Variants in PPP6R3 observed in about 807,000 individuals in gnomAD.
PPP6R3 encodes serine/threonine-protein phosphatase 6 regulatory subunit 3.
In PPP6R3, 38 loss-of-function variants were observed where a neutral mutation model predicts 110.7. The observed-to-expected ratio is 0.34, with a 90% confidence interval of 0.26 to 0.45. The LOEUF (loss-of-function observed/expected upper bound fraction) is 0.45. Ranked by LOEUF, PPP6R3 falls within the 20% of genes least tolerant of loss-of-function variation. PPP6R3 has a pLI of 1.00. For synonymous variants in PPP6R3, 369 were observed against 373.5 expected (o/e 0.99, Z 0.14); for missense variants, 870 against 1,062.4 (o/e 0.82, Z 2.52).
chr11:68,564,482 A>G, intron 9 of PPP6R3, 50 bp downstream of exon 9: 1 of 1,599,854 alleles, frequency 6.3e-7, no homozygotes, highest in Non-Finnish European at 8.6e-7. Context: ...TTTGGTTGAA[A>G]CAGTCATTCG....
At chr11:68,509,806 A>C (rs145393525) in intron 1 of PPP6R3, among the ~76,000 whole-genome samples, 1 of 142,148 alleles carries the variant, frequency 7.0e-6, no homozygotes, top group Non-Finnish European at 1.5e-5. Context: ...TTGGAGTGCA[A>C]TGGCACAATC....
intron 2 of PPP6R3, among the ~76,000 whole-genome samples, chr11:68,526,286 T>TAA (rs909405862): frequency 4.6e-5 from 7 of 152,038 alleles, no homozygotes; most frequent in African/African-American, 1.7e-4. Flanking sequence ...GACAGGGTCT[T>TAA]ACTCTGTCAG....
At chr11:68,599,389 C>T (rs964980544) in intron 19 of PPP6R3, among the ~76,000 whole-genome samples, 2 of 152,202 alleles carry the variant, frequency 1.3e-5, no homozygotes, top group Non-Finnish European at 2.9e-5. Context: ...TAGACCCAAA[C>T]TTGGCCAGCA....
At chr11:68,579,734 A>G (rs572069244) in intron 14 of PPP6R3, among the ~76,000 whole-genome samples, 2 of 152,252 alleles carry the variant, frequency 1.3e-5, no homozygotes, top group Non-Finnish European at 1.5e-5. Flanking sequence ...CAGTAGTCCC[A>G]TAAGATTAGA....
At chr11:68,565,777 ATGTCTGTCTCG>A (rs1430300239) in intron 9 of PPP6R3, among the ~76,000 whole-genome samples, 175 of 148,426 alleles carry the variant, frequency 1.2e-3, no homozygotes, top group Middle Eastern at 0.011. Flanking sequence ...ACTGTATGAT[ATGTCTGTCTCG>A]GAGTACCGTT....
chr11:68,573,120 A>G lies in PPP6R3; in HGVS notation c.1344-989A>G, dbSNP rs1440751231. On this transcript the variant is annotated intron_variant, in intron 12 of 23. Transcript: ENST00000393800. Reference sequence around the variant, plus strand: ...TAATATGAGTTTACTTATTTTATATATATATATATATATATATATATATAT... The same window carrying G: ...TAATATGAGTTTACTTATTTTATATGTATATATATATATATATATATATAT... 5.0e-5 allele frequency among the ~76,000 whole-genome samples: 2 copies of G among 39,714 alleles called. 1 individual carries two copies. Among genetic ancestry groups the G allele is most frequent in the African/African-American group, 1.7e-4 (2 of 11,844 alleles). The allele number at this position is 39,714 out of a possible 152,430, so 26.1% of individuals were successfully genotyped here.
At chr11:68,503,546 G>A (rs769821224) in intron 1 of PPP6R3, among the ~76,000 whole-genome samples, 23 of 152,202 alleles carry the variant, frequency 1.5e-4, no homozygotes, top group Non-Finnish European at 2.8e-4. Flanking sequence ...CATCAGAGAA[G>A]CCAGGCGAGG....
intron 1 of PPP6R3, among the ~76,000 whole-genome samples, chr11:68,509,830 A>T (rs1346617766): frequency 4.8e-5 from 7 of 145,262 alleles, no homozygotes; most frequent in Non-Finnish European, 7.5e-5. Context: ...GCCCACTGCA[A>T]CCCTTGCCAC....
chr11:68,603,709 CTG>C (rs1430737845), intron 22 of PPP6R3, among the ~76,000 whole-genome samples: 2 of 152,172 alleles, frequency 1.3e-5, no homozygotes, highest in African/African-American at 4.8e-5. Context: ...GTTCAGAAGA[CTG>C]TATTTTACAT....
chr11:68,536,473 T>C (rs112931363), intron 2 of PPP6R3, among the ~76,000 whole-genome samples: 4 of 152,186 alleles, frequency 2.6e-5, no homozygotes, highest in African/African-American at 7.2e-5. Context: ...CTATGTTGTG[T>C]AGGCCGTTCT....
intron 5 of PPP6R3, among the ~76,000 whole-genome samples, chr11:68,548,659 G>A (rs907133592): frequency 1.3e-5 from 2 of 152,178 alleles, no homozygotes; most frequent in African/African-American, 2.4e-5. Context: ...GGCTTCAGAA[G>A]TAATTCTCTT....
intron 4 of PPP6R3, among the ~76,000 whole-genome samples, 157 bp from the exon 5 acceptor site, chr11:68,547,910 G>A (rs1263223313): frequency 6.6e-6 from 1 of 152,158 alleles, no homozygotes; most frequent in Admixed American, 6.5e-5. Flanking sequence ...CTATTAGCCA[G>A]GCTTTCCAAT....
intron 23 of PPP6R3, chr11:68,612,800 C>T (rs545956320): frequency 1.2e-5 from 6 of 512,706 alleles, no homozygotes; most frequent in South Asian, 2.1e-5. Flanking sequence ...TCTTGGAGGC[C>T]GCGGTGGGGC....
intron 3 of PPP6R3, among the ~76,000 whole-genome samples, chr11:68,540,955 G>A (rs184102114): frequency 3.9e-4 from 59 of 152,176 alleles, no homozygotes; most frequent in African/African-American, 1.4e-3. Flanking sequence ...TGCAGTTAAG[G>A]CAATTATCAC....
intron 10 of PPP6R3, 48 bp downstream of exon 10, chr11:68,567,214 C>A (rs1173979044): frequency 6.8e-7 from 1 of 1,481,370 alleles, no homozygotes; most frequent in African/African-American, 1.4e-5. Context: ...ATTGATATTT[C>A]ATGGATATTT....
At position 68,537,709 on chromosome 11, in the gene PPP6R3, A is replaced by G. The variant is rs1325556848; in HGVS notation, c.45A>G (p.Thr15=). The G allele has an allele frequency of 1.9e-6, 3 of 1,612,990 alleles. No homozygotes were observed. The highest frequency in any genetic ancestry group is 1.7e-6 in the Non-Finnish European group (2 of 1,179,070). The change falls in exon 3 of 24, where the codon ACA becomes ACG. Residue 15 remains threonine, a synonymous_variant. Transcript: ENST00000393800. ...FDLHSSSHID[T]LLEREDVTLK... ...TTCACTCATCATCCCACATAGACAC[A>G]CTTCTAGAAAGAGAAGATGTAACAC...
intron 1 of PPP6R3, among the ~76,000 whole-genome samples, chr11:68,505,801 G>T (rs1197627897): frequency 6.6e-6 from 1 of 152,094 alleles, no homozygotes; most frequent in Non-Finnish European, 1.5e-5. Context: ...GCCGTAGAGT[G>T]TTTCCCTTTC....
In PPP6R3 at chr11:68,474,773, G is replaced by C. The variant is rs369726832; in HGVS notation, c.-158+13946G>C. Among the ~76,000 whole-genome samples the C allele has an allele frequency of 8.0e-4, 121 of 152,062 alleles. 2 individuals are homozygous for C. The South Asian group carries it at 0.025, about 31-fold the overall frequency. Reference sequence around the variant, plus strand: ...TATTAAAATCTTTGTTTTTTCCTGAGTCACATTTGGTAGTTTATGTTAAAA... The same window carrying C: ...TATTAAAATCTTTGTTTTTTCCTGACTCACATTTGGTAGTTTATGTTAAAA... On this transcript the variant is annotated intron_variant, in intron 1 of 23. Coordinates refer to ENST00000393800, the MANE Select transcript of PPP6R3 (RefSeq NM_001164161.2).
intron 16 of PPP6R3, 64 bp downstream of exon 16, chr11:68,588,088 G>A (rs918316356): frequency 5.1e-6 from 7 of 1,375,416 alleles, no homozygotes; most frequent in Admixed American, 5.0e-5. Context: ...AGATGTATGT[G>A]TGATTCTGCG....
Sources: gnomAD v4.1 joint callset for allele counts (sites outside exome capture counted in the v4.1 genomes callset) on GRCh38, gnomAD v4.1.1 for gene constraint, MANE v1.5 for transcripts, NCBI Gene and HGNC (gene_info 2026-07-23, HGNC 2026-07-21) for gene names.